RTTN: variants seen among roughly 807,000 people sequenced by gnomAD.
RTTN encodes rotatin.
A neutral mutation model predicts 269.2 loss-of-function variants in RTTN; 182 were observed. That is an observed-to-expected ratio of 0.68 (90% confidence interval 0.60 to 0.76). The LOEUF is 0.76. RTTN is among the 30% of genes least tolerant of loss of function. The probability of loss-of-function intolerance (pLI) is 0.00; values close to 1 mark genes in which losing one functional copy is unlikely to be tolerated. For synonymous variants in RTTN, 1,006 were observed against 963.5 expected (o/e 1.04, Z -0.82); for missense variants, 2,545 against 2,608.6 (o/e 0.98, Z 0.53).
intron 8 of RTTN, 41 bp downstream of exon 8, chr18:70,193,247 C>A: frequency 1.3e-6 from 2 of 1,511,484 alleles, no homozygotes; most frequent in East Asian, 2.5e-5. Context: ...CACAAGTTAA[C>A]CGGCATTTCT....
chr18:70,129,288 A>C (rs941041516), intron 23 of RTTN: 2 of 152,026 alleles, frequency 1.3e-5, no homozygotes, highest in African/African-American at 4.8e-5. Context: ...AACTCCTAAA[A>C]TGTATATGGA....
intron 8 of RTTN, among the ~76,000 whole-genome samples, chr18:70,190,983 T>C (rs1198033347): frequency 6.6e-6 from 1 of 150,996 alleles, no homozygotes; most frequent in Non-Finnish European, 1.5e-5. Flanking sequence ...AGGTCAGGAG[T>C]TCAAGACCAG....
intron 43 of RTTN, among the ~76,000 whole-genome samples, chr18:70,028,097 T>C (rs952783770): frequency 6.6e-5 from 10 of 152,220 alleles, no homozygotes; most frequent in Admixed American, 5.2e-4. Flanking sequence ...CAATCTAGTA[T>C]TTCAAAAGTG....
intron 34 of RTTN, among the ~76,000 whole-genome samples, chr18:70,067,067 TCA>T (rs2058155087): frequency 6.6e-6 from 1 of 152,100 alleles, no homozygotes; most frequent in African/African-American, 2.4e-5. Context: ...GGAAAAAAGT[TCA>T]GTCTAAATAA....
At position 70,029,977 on chromosome 18, in the gene RTTN, CTATA is replaced by C. The variant is rs200091480; in HGVS notation, c.5745+31_5745+34del. 2,389 of 1,461,914 alleles carry C rather than the reference CTATA, an allele frequency of 1.6e-3. 40 individuals are homozygous for C. In the African/African-American group the frequency reaches 0.027, roughly 17 times the overall value. The allele number at this position is 1,461,914 out of a possible 1,614,324, so 90.6% of individuals were successfully genotyped here. On this transcript the variant is annotated intron_variant, in intron 42 of 48. Transcript: ENST00000640769. ...GCACAAGAGGACTGGAGAATGGTCT[CTATA>C]TATAGCCATTCATTTATCCCAGAAT...
intron 11 of RTTN, among the ~76,000 whole-genome samples, chr18:70,169,366 T>G (rs888394940): frequency 6.6e-6 from 1 of 152,206 alleles, no homozygotes; most frequent in Non-Finnish European, 1.5e-5. Flanking sequence ...CCCTGCACCT[T>G]GTATATACCT....
intron 10 of RTTN, among the ~76,000 whole-genome samples, chr18:70,187,331 G>A (rs926867192): frequency 6.6e-6 from 1 of 152,006 alleles, no homozygotes; most frequent in Admixed American, 6.6e-5. Context: ...GCAGGATGGG[G>A]AGAGGATAAG....
At chr18:70,016,966 G>C (rs1438778619) in intron 46 of RTTN, among the ~76,000 whole-genome samples, 1 of 152,018 alleles carries the variant, frequency 6.6e-6, no homozygotes, top group African/African-American at 2.4e-5. Flanking sequence ...AACAAAACCA[G>C]GAAAGGAAAT....
At chr18:70,102,811 AT>A (rs2059205612) in intron 28 of RTTN, among the ~76,000 whole-genome samples, 1 of 152,206 alleles carries the variant, frequency 6.6e-6, no homozygotes, top group Non-Finnish European at 1.5e-5. Context: ...AAAAGATTTT[AT>A]TTCTCCTTCA....
Position 70,197,732 on chromosome 18 carries a change from T to TA in RTTN, c.584dup (p.Leu195PhefsTer4). 1.3e-6 allele frequency: 2 copies of TA among 1,574,376 alleles called. No homozygotes were observed. The highest frequency in any genetic ancestry group is 1.7e-6 in the Non-Finnish European group (2 of 1,143,746). ...AGATTAAAGTGTGGTTACTACTTCT[T>TA]AAAGAGCTACAAAACATAGCGTTAA... On this transcript the variant is annotated frameshift_variant, in exon 6 of 49. Coordinates refer to ENST00000640769, the MANE Select transcript of RTTN (RefSeq NM_173630.4). LOFTEE classifies it high-confidence loss of function.
chr18:70,198,481 T>C (rs2061867240), intron 5 of RTTN, among the ~76,000 whole-genome samples: 1 of 152,218 alleles, frequency 6.6e-6, no homozygotes, highest in Non-Finnish European at 1.5e-5. Flanking sequence ...AATCACTTAA[T>C]GGCATCCACC....
chr18:70,116,915 T>TA (rs1216070209), intron 26 of RTTN, among the ~76,000 whole-genome samples: 13 of 37,028 alleles, frequency 3.5e-4, no homozygotes, highest in South Asian at 5.4e-3. Context: ...TGAACTTCCA[T>TA]CAAAAAAATG....
chr18:70,150,214 C>T (rs571998329), intron 15 of RTTN, 127 bp from the exon 16 acceptor site: 17 of 657,810 alleles, frequency 2.6e-5, no homozygotes, highest in African/African-American at 5.5e-5. Context: ...TTCAAATGTT[C>T]GTACTTCCAC....
At chr18:70,103,010 C>G (rs2059214514) in intron 28 of RTTN, among the ~76,000 whole-genome samples, 1 of 147,334 alleles carries the variant, frequency 6.8e-6, no homozygotes, top group South Asian at 2.2e-4. Context: ...TGCCCAGGCG[C>G]CCCGTCTGGG....
intron 17 of RTTN, among the ~76,000 whole-genome samples, chr18:70,148,229 C>T (rs1461196518): frequency 6.6e-6 from 1 of 152,098 alleles, no homozygotes; most frequent in Non-Finnish European, 1.5e-5. Context: ...TTTATCCCTG[C>T]TTATCCATCT....
At chr18:70,059,015 T>C (rs192104926) in intron 36 of RTTN, among the ~76,000 whole-genome samples, 1 of 152,124 alleles carries the variant, frequency 6.6e-6, no homozygotes, top group East Asian at 1.9e-4. Context: ...TGTTCAAAGG[T>C]AAAGGGACAG....
At chr18:70,068,732 T>C (rs1174619087) in intron 34 of RTTN, among the ~76,000 whole-genome samples, 1 of 152,174 alleles carries the variant, frequency 6.6e-6, no homozygotes, top group Non-Finnish European at 1.5e-5. Flanking sequence ...GTCTAATTCT[T>C]GTATCTATCA....
chr18:70,174,724 A>G (rs966552999), intron 11 of RTTN, among the ~76,000 whole-genome samples: 14 of 151,934 alleles, frequency 9.2e-5, no homozygotes, highest in African/African-American at 2.9e-4. Context: ...AAAAAAAAAA[A>G]AAAGAGAATA....
Position 70,054,284 on chromosome 18 carries a change from C to A in RTTN, c.5032G>T (p.Val1678Phe). The A allele has an allele frequency of 6.2e-7, 1 of 1,607,058 alleles. No homozygotes were observed. Among genetic ancestry groups the A allele is most frequent in the Non-Finnish European group, 8.5e-7 (1 of 1,176,606 alleles). ...GATAGGTATTCCAGGAGAAAGGAAA[C>A]CTGTTTGAAAAGGAGACAGGGTCAA... ...SPPAEHTQAQ[V>F]SFLLEYLSSL... Residue 1678 changes from valine (V) to phenylalanine (F), a missense_variant and splice_region_variant, in exon 38 of 49, where the codon GTT (valine) becomes TTT (phenylalanine). Transcript: ENST00000640769.
Sources: gnomAD v4.1 joint callset for allele counts (sites outside exome capture counted in the v4.1 genomes callset) on GRCh38, gnomAD v4.1.1 for gene constraint, MANE v1.5 for transcripts, NCBI Gene and HGNC (gene_info 2026-07-23, HGNC 2026-07-21) for gene names.